RAP1GAP2: variants seen among roughly 807,000 people sequenced by gnomAD.
The protein encoded by RAP1GAP2 is rap1 GTPase-activating protein 2.
RAP1GAP2 carries 27 observed loss-of-function variants against 95.0 expected under a neutral mutation model. The observed-to-expected ratio is 0.28, with a 90% CI of 0.21 to 0.39. RAP1GAP2 has a LOEUF of 0.39. Among genes scored for constraint, RAP1GAP2 ranks in the 10% least tolerant of loss-of-function variants. RAP1GAP2 has a pLI of 1.00. For synonymous variants in RAP1GAP2, 373 were observed against 380.9 expected (o/e 0.98, Z 0.24); for missense variants, 771 against 970.0 (o/e 0.79, Z 2.72).
rs186807101 is a variant in RAP1GAP2 at position 2,880,531 on chromosome 17, C to T, written c.81-24753C>T. On this transcript the variant is annotated intron_variant, in intron 2 of 24. Transcript: ENST00000254695. The stretch of plus-strand genomic sequence containing the variant: ...TGAATCATTTTAAAGTATACGGTTC[C>T]GTGGCATCAAGTCCTGTTCACAGTG... Among the ~76,000 whole-genome samples, 642 of 151,324 alleles carry T rather than the reference C, an allele frequency of 4.2e-3. 2 individuals are homozygous for T. The highest frequency in any genetic ancestry group is 0.015 in the African/African-American group (598 of 41,180).
At chr17:2,800,586 A>G (rs939823046) in intron 2 of RAP1GAP2, 36 bp downstream of exon 2, 50 of 1,604,444 alleles carry the variant, frequency 3.1e-5, no homozygotes, top group Non-Finnish European at 4.1e-5. Context: ...AAGGTCAGAG[A>G]TGACGCGGAT....
At chr17:2,960,182 A>G (rs906857521) in intron 4 of RAP1GAP2, among the ~76,000 whole-genome samples, 18 of 150,658 alleles carry the variant, frequency 1.2e-4, no homozygotes, top group African/African-American at 3.9e-4. Flanking sequence ...TAGCACATGG[A>G]GGAGAGAGGG....
chr17:3,003,473 C>T lies in RAP1GAP2; in HGVS notation c.1201-1896C>T, dbSNP rs1027494124. 9.2e-5 allele frequency among the ~76,000 whole-genome samples: 14 copies of T among 152,152 alleles called. No homozygotes were observed. The highest frequency in any genetic ancestry group is 2.9e-4 in the African/African-American group (12 of 41,506). On this transcript the variant is annotated intron_variant, in intron 14 of 24. Coordinates refer to ENST00000254695, the MANE Select transcript of RAP1GAP2 (RefSeq NM_015085.5). This position sits in a 1 kb window ranked among gnomAD's most constrained non-coding sequence, Gnocchi z 4.1. ...GGCCCTGTCTTTGTAGCCCCCTCCC[C>T]GTTTCCCGTCACGACTTGTCTGTTG...
chr17:2,895,218 G>A (rs2073850913), intron 2 of RAP1GAP2, among the ~76,000 whole-genome samples: 1 of 152,222 alleles, frequency 6.6e-6, no homozygotes, highest in Non-Finnish European at 1.5e-5. Flanking sequence ...GTAAGTGACT[G>A]TTACAGTGAA....
chr17:2,762,276 T>C (rs960439453), intron 1 of RAP1GAP2, among the ~76,000 whole-genome samples: 1 of 151,858 alleles, frequency 6.6e-6, no homozygotes, highest in African/African-American at 2.4e-5. Flanking sequence ...CGTGAGCCAC[T>C]GCGCCTGGCC....
chr17:3,026,340 T>G lies in RAP1GAP2; in HGVS notation c.1866-10T>G. On this transcript the variant is annotated splice_polypyrimidine_tract_variant and intron_variant, in intron 20 of 24. Coordinates refer to ENST00000254695, the MANE Select transcript of RAP1GAP2 (RefSeq NM_015085.5). ...TGACCCGGGCTGGCCTCACTTCCTA[T>G]TCCCTGCAGGCCCTTCATGAAGTTG... 6.5e-7 allele frequency: 1 copy of G among 1,546,690 alleles called. No homozygotes were observed. Among genetic ancestry groups the G allele is most frequent in the East Asian group, 2.4e-5 (1 of 40,848 alleles).
chr17:2,835,516 CTTG>C (rs1292584507), intron 2 of RAP1GAP2, among the ~76,000 whole-genome samples: 1 of 152,224 alleles, frequency 6.6e-6, no homozygotes, highest in Non-Finnish European at 1.5e-5. Flanking sequence ...CCACCACAAA[CTTG>C]TTGTTAATGG....
At chr17:3,013,320 C>A (rs998258709) in intron 17 of RAP1GAP2, among the ~76,000 whole-genome samples, 3 of 152,238 alleles carry the variant, frequency 2.0e-5, no homozygotes, top group African/African-American at 4.8e-5. Flanking sequence ...TTGCCCCCTC[C>A]TTTTCCTCCT....
intron 2 of RAP1GAP2, among the ~76,000 whole-genome samples, chr17:2,900,673 C>A (rs1441144578): frequency 6.6e-6 from 1 of 152,140 alleles, no homozygotes; most frequent in Non-Finnish European, 1.5e-5. Flanking sequence ...AACTCCTGAC[C>A]TCAGGTGATC....
intron 2 of RAP1GAP2, among the ~76,000 whole-genome samples, chr17:2,888,253 G>A (rs568363288): frequency 8.5e-5 from 13 of 152,176 alleles, no homozygotes; most frequent in African/African-American, 3.1e-4. Flanking sequence ...CACCTCAAAC[G>A]TTGATCATTT....
chr17:2,965,393 C>A lies in RAP1GAP2; in HGVS notation c.493-147C>A. 1 of 659,412 alleles carries A rather than the reference C, an allele frequency of 1.5e-6. No homozygotes were observed. The highest frequency in any genetic ancestry group is 2.6e-6 in the Non-Finnish European group (1 of 382,986). 40.8% of individuals were successfully genotyped at this position (659,412 alleles called of 1,614,324 possible). Reference sequence around the variant, plus strand: ...CCTCCTGAGGATCCGGCCGTCGGTACCTGTTAATGTCGTTGTCATTGTCAT... The same window carrying A: ...CCTCCTGAGGATCCGGCCGTCGGTAACTGTTAATGTCGTTGTCATTGTCAT... On this transcript the variant is annotated intron_variant, in intron 7 of 24. Transcript: ENST00000254695. This position sits in a 1 kb window ranked among gnomAD's most constrained non-coding sequence, Gnocchi z 4.7.
In RAP1GAP2 at chr17:2,961,552, A is replaced by G. The variant is rs553203641; in HGVS notation, c.202-1118A>G. ...AAACAAACAAACAAAACTGTTGGAC[A>G]GGGCACTGCTCCCCAGAAGTGAATT... On this transcript the variant is annotated intron_variant, in intron 4 of 24. Coordinates refer to ENST00000254695, the MANE Select transcript of RAP1GAP2 (RefSeq NM_015085.5). Among the ~76,000 whole-genome samples the G allele has an allele frequency of 1.3e-4, 20 of 152,352 alleles. No individual in the cohort carries two copies. In the East Asian group the frequency reaches 3.9e-3, roughly 29 times the overall value.
At position 3,029,699 on chromosome 17, in the gene RAP1GAP2, C is replaced by T. The variant is rs1481407294; in HGVS notation, c.2108-1223C>T. 6.6e-6 allele frequency among the ~76,000 whole-genome samples: 1 copy of T among 152,134 alleles called. No homozygotes were observed. Among genetic ancestry groups the T allele is most frequent in the East Asian group, 1.9e-4 (1 of 5,198 alleles). ...GCCAGCAGCTTCCAGGAAGGCTGCA[C>T]TAAGCTTTCCATACCCTCGGCCAGA... is the stretch of plus-strand genomic sequence containing the variant. On this transcript the variant is annotated intron_variant, in intron 22 of 24. Transcript: ENST00000254695. This position sits in a 1 kb window ranked among gnomAD's most constrained non-coding sequence, Gnocchi z 4.4.
At chr17:2,966,882 TA>T (rs1452799454) in intron 8 of RAP1GAP2, among the ~76,000 whole-genome samples, 3 of 152,216 alleles carry the variant, frequency 2.0e-5, no homozygotes, top group Non-Finnish European at 4.4e-5. Flanking sequence ...TACAAAGATC[TA>T]ACCCCCTTTT....
intron 3 of RAP1GAP2, among the ~76,000 whole-genome samples, chr17:2,914,457 G>A (rs563513017): frequency 1.8e-4 from 27 of 151,888 alleles, no homozygotes; most frequent in South Asian, 2.1e-4. Flanking sequence ...TCTTGTAGGC[G>A]TTCTTTACAT....
chr17:3,000,339 T>C (rs2046110164), intron 14 of RAP1GAP2, among the ~76,000 whole-genome samples: 1 of 152,258 alleles, frequency 6.6e-6, no homozygotes, highest in East Asian at 1.9e-4. Context: ...TTGAAGCAAG[T>C]TGACTTACTC....
chr17:2,901,086 C>A (rs928826637), intron 2 of RAP1GAP2, among the ~76,000 whole-genome samples: 6 of 152,188 alleles, frequency 3.9e-5, no homozygotes, highest in Non-Finnish European at 8.8e-5. Flanking sequence ...CACTCCAGGC[C>A]CCTTTGACCA....
chr17:2,894,842 C>T (rs1218757168), intron 2 of RAP1GAP2, among the ~76,000 whole-genome samples: 2 of 152,158 alleles, frequency 1.3e-5, no homozygotes, highest in African/African-American at 2.4e-5. Flanking sequence ...TGGAGGGCAG[C>T]GCCCCTCGGC....
At chr17:2,760,350 C>CT (rs977704042) in intron 1 of RAP1GAP2, among the ~76,000 whole-genome samples, 5 of 147,258 alleles carry the variant, frequency 3.4e-5, no homozygotes, top group Non-Finnish European at 6.0e-5. Flanking sequence ...TTAACTTTCA[C>CT]TTTTTTTTGA....
Sources: gnomAD v4.1 joint callset for allele counts (sites outside exome capture counted in the v4.1 genomes callset) on GRCh38, gnomAD v4.1.1 for gene constraint, Gnocchi (gnomAD v3.1) non-coding constraint, MANE v1.5 for transcripts, NCBI Gene and HGNC (gene_info 2026-07-23, HGNC 2026-07-21) for gene names.